TRIM35: variants seen among roughly 807,000 people sequenced by gnomAD.
TRIM35 encodes tripartite motif containing 35, also known as E3 ubiquitin-protein ligase TRIM35.
In TRIM35, 37 loss-of-function variants were observed where a neutral mutation model predicts 49.1. The ratio of observed to expected loss-of-function variants is 0.75; its 90% CI spans 0.58 to 0.99. TRIM35 has a LOEUF of 0.99. Among genes scored for constraint, TRIM35 ranks in the 50% least tolerant of loss-of-function variants. The pLI is 0.00. For missense variants in TRIM35, 648 were observed against 702.7 expected (o/e 0.92, Z 0.88); for synonymous variants, 302 against 289.3 (o/e 1.04, Z -0.45).
Position 27,289,234 on chromosome 8 carries a change from T to A in TRIM35, c.832A>T (p.Ile278Phe), listed in dbSNP as rs141198602. 1 of 1,614,156 alleles carries A rather than the reference T, an allele frequency of 6.2e-7. No individual in the cohort carries two copies. The highest frequency in any genetic ancestry group is 8.5e-7 in the Non-Finnish European group (1 of 1,180,004). Residue 278 changes from isoleucine (I) to phenylalanine (F), a missense_variant, in exon 5 of 6, where the codon ATC becomes TTC. Ile to Phe is a conservative substitution (Grantham distance 21). Coordinates refer to ENST00000305364, the MANE Select transcript of TRIM35 (RefSeq NM_171982.5). ...GAGCCCAGGTACTTGCAGACATCGA[T>A]AAGCATGCCGGGCTGGACTGGCTCT... ...EPEPVQPGML[I>F]DVCKYLGSLQ...
At chr8:27,294,046 C>A in intron 3 of TRIM35, 34 bp downstream of exon 3, 2 of 1,600,266 alleles carry the variant, frequency 1.2e-6, no homozygotes, top group South Asian at 1.1e-5. Flanking sequence ...GAACATGTGG[C>A]CCTGTCACTG....
chr8:27,300,562 C>A (rs1802662437), intron 1 of TRIM35, among the ~76,000 whole-genome samples: 1 of 152,154 alleles, frequency 6.6e-6, no homozygotes, highest in African/African-American at 2.4e-5. Context: ...GGGCAATTTG[C>A]TAGGAAATAG....
intron 3 of TRIM35, among the ~76,000 whole-genome samples, chr8:27,293,382 T>A (rs1802494791): frequency 6.6e-6 from 1 of 152,096 alleles, no homozygotes; most frequent in Non-Finnish European, 1.5e-5. Flanking sequence ...TACTGTTTTT[T>A]TAAAGAGAGA....
intron 5 of TRIM35, 109 bp from the exon 6 acceptor site, chr8:27,288,236 TC>T: frequency 2.7e-6 from 3 of 1,111,174 alleles, no homozygotes; most frequent in Non-Finnish European, 3.8e-6. Context: ...TGGCCCCAAG[TC>T]CATGCAAGGA....
intron 3 of TRIM35, among the ~76,000 whole-genome samples, chr8:27,293,200 G>C (rs1802489737): frequency 6.6e-6 from 1 of 151,888 alleles, no homozygotes; most frequent in African/African-American, 2.4e-5. Context: ...CCACTCTACA[G>C]CGACACCCCT....
intron 3 of TRIM35, among the ~76,000 whole-genome samples, chr8:27,293,874 A>G (rs1409378524): frequency 6.6e-6 from 1 of 152,062 alleles, no homozygotes; most frequent in Non-Finnish European, 1.5e-5. Flanking sequence ...AGAGCGAGGA[A>G]GAAATAACAG....
At chr8:27,296,127 G>A (rs1166124928) in intron 2 of TRIM35, among the ~76,000 whole-genome samples, 1 of 151,416 alleles carries the variant, frequency 6.6e-6, no homozygotes. Context: ...TGTCTGCATT[G>A]GAGAGAGTAG....
intron 1 of TRIM35, among the ~76,000 whole-genome samples, chr8:27,309,709 G>A (rs993902623): frequency 4.6e-5 from 7 of 152,098 alleles, no homozygotes; most frequent in African/African-American, 1.7e-4. Context: ...GAGGCCAGGC[G>A]GAGTGGCTCA....
At chr8:27,289,930 A>G (rs1479684165) in intron 4 of TRIM35, among the ~76,000 whole-genome samples, 1 of 152,026 alleles carries the variant, frequency 6.6e-6, no homozygotes, top group Non-Finnish European at 1.5e-5. Context: ...GACCCTCCAC[A>G]CTCAGGAGAA....
chr8:27,296,784 T>C (rs1024932888), intron 2 of TRIM35, among the ~76,000 whole-genome samples: 3 of 152,200 alleles, frequency 2.0e-5, no homozygotes, highest in Non-Finnish European at 4.4e-5. Flanking sequence ...AGGTTCGTAA[T>C]CGCTATTTGG....
intron 2 of TRIM35, among the ~76,000 whole-genome samples, chr8:27,297,451 C>T (rs114169522): frequency 9.0e-4 from 137 of 152,330 alleles, no homozygotes; most frequent in African/African-American, 2.9e-3. Flanking sequence ...AGGGAGCCCA[C>T]TCATTCATTT....
intron 1 of TRIM35, among the ~76,000 whole-genome samples, chr8:27,299,842 G>A (rs1165824130): frequency 2.6e-5 from 4 of 152,130 alleles, no homozygotes; most frequent in Non-Finnish European, 4.4e-5. Context: ...ACTCCTTATG[G>A]GGCAAAGGAC....
chr8:27,305,534 GT>G (rs1802766260), intron 1 of TRIM35, among the ~76,000 whole-genome samples: 1 of 152,240 alleles, frequency 6.6e-6, no homozygotes, highest in Non-Finnish European at 1.5e-5. Flanking sequence ...GGGGTGAGTG[GT>G]TAGGAAATGG....
In TRIM35 at chr8:27,287,816, C is replaced by A; in HGVS notation, c.1216G>T (p.Glu406Ter). Residue 406 changes from glutamate to a stop codon, truncating the protein, a stop_gained, in exon 6 of 6, where the codon GAG becomes TAG. Coordinates refer to ENST00000305364, the MANE Select transcript of TRIM35 (RefSeq NM_171982.5). LOFTEE classifies it high-confidence loss of function. The surrounding 1 kb of genome is among the most constrained non-coding windows in gnomAD (Gnocchi z 6.0). ...FWYVCRTQGV[E>*]GDHCVTSDPA... ...TCCGAGGTCACGCAGTGGTCCCCCT[C>A]CACGCCCTGCGTGCGGCAGACATAC... The A allele has an allele frequency of 6.2e-7, 1 of 1,611,548 alleles. No individual in the cohort carries two copies. Among genetic ancestry groups the A allele is most frequent in the Non-Finnish European group, 8.5e-7 (1 of 1,179,212 alleles).
chr8:27,307,328 C>A (rs189921639), intron 1 of TRIM35, among the ~76,000 whole-genome samples: 44 of 152,116 alleles, frequency 2.9e-4, no homozygotes, highest in African/African-American at 9.9e-4. Flanking sequence ...CACGCTGTGC[C>A]CCGCCGCCAC....
At chr8:27,289,554 T>C (rs879927704) in intron 4 of TRIM35, among the ~76,000 whole-genome samples, 14 of 152,186 alleles carry the variant, frequency 9.2e-5, no homozygotes, top group Admixed American at 2.0e-4. Flanking sequence ...CTGCCATCCT[T>C]GCAGGCAGAA....
intron 4 of TRIM35, among the ~76,000 whole-genome samples, chr8:27,289,633 C>A (rs1268489583): frequency 3.9e-5 from 6 of 152,232 alleles, no homozygotes; most frequent in Admixed American, 2.0e-4. Flanking sequence ...TCTAGTCCAA[C>A]AATCCCAAGG....
rs1441822539 is a variant in TRIM35 at position 27,289,295 on chromosome 8, T to C, written c.786-15A>G. 1.2e-6 allele frequency: 2 copies of C among 1,609,136 alleles called. No individual in the cohort carries two copies. The highest frequency in any genetic ancestry group is 2.2e-5 in the South Asian group (2 of 90,946). On this transcript the variant is annotated splice_polypyrimidine_tract_variant and intron_variant, in intron 4 of 5. Transcript: ENST00000305364. ...TGCAGAAGAGTCTGGAAAAGTACAATGGGTATGGTGGGCAGGGCCAGAGCC... is the reference window on the plus strand; with the variant it reads ...TGCAGAAGAGTCTGGAAAAGTACAACGGGTATGGTGGGCAGGGCCAGAGCC...
At chr8:27,289,136 G>A in intron 5 of TRIM35, 26 bp downstream of exon 5, 5 of 1,597,782 alleles carry the variant, frequency 3.1e-6, no homozygotes, top group Non-Finnish European at 4.3e-6. Context: ...CCCATGCTTG[G>A]GACACCTGCC....
Sources: allele counts gnomAD v4.1 joint callset (sites outside exome capture counted in the v4.1 genomes callset), GRCh38; gene constraint gnomAD v4.1.1; non-coding constraint Gnocchi (gnomAD v3.1); transcripts MANE v1.5; gene names NCBI Gene and HGNC (gene_info 2026-07-23, HGNC 2026-07-21).